Variants in SON observed in about 807,000 individuals in gnomAD.
SON encodes the protein protein SON.
A neutral mutation model predicts 173.3 loss-of-function variants in SON; 4 were observed. That is an observed-to-expected ratio of 0.02 (90% CI 0.01 to 0.05). The LOEUF is 0.05. SON is among the 10% of genes least tolerant of loss of function. SON has a pLI of 1.00. For synonymous variants in SON, 1,190 were observed against 1,105.9 expected (o/e 1.08, Z -1.51); for missense variants, 2,626 against 3,055.3 (o/e 0.86, Z 3.31).
At chr21:33,573,590 C>T (rs768291050) in intron 9 of SON, 135 bp downstream of exon 9, 1 of 710,016 alleles carries the variant, frequency 1.4e-6, no homozygotes, top group African/African-American at 1.8e-5. Flanking sequence ...AAAACATTAA[C>T]CCCTTTTGGG....
Position 33,549,972 on chromosome 21 carries a change from A to C in SON, c.741A>C (p.Ala247=), listed in dbSNP as rs1338432416. The C allele has an allele frequency of 2.5e-6, 4 of 1,614,160 alleles. No individual in the cohort carries two copies. In the South Asian group the frequency reaches 4.4e-5, roughly 18 times the overall value. Residue 247 remains alanine, a synonymous_variant, in exon 3 of 12, where the codon GCA becomes GCC. Transcript: ENST00000356577. The part of the protein sequence containing the change: ...SMTKILDSFA[A]APVPTTTLVL... ...CAAAGATTCTGGATTCCTTTGCAGC[A>C]GCACCAGTGCCTACTACAACACTGG...
rs185821315 is a variant in SON at position 33,552,600 on chromosome 21, A to G, written c.3369A>G (p.Ser1123=). 1.2e-6 allele frequency: 2 copies of G among 1,614,094 alleles called. No homozygotes were observed. Among genetic ancestry groups the G allele is most frequent in the East Asian group, 4.5e-5 (2 of 44,886 alleles). The change falls in exon 3 of 12, where the codon TCA becomes TCG. Residue 1123 remains serine (S), a synonymous_variant. Coordinates refer to ENST00000356577, the MANE Select transcript of SON (RefSeq NM_138927.4). This position sits in a 1 kb window ranked among gnomAD's most constrained non-coding sequence, Gnocchi z 5.6. ...SMMSSYTADR[S]MMSMAADSYT... ...TGTCATCTTATACTGCTGATCGTTCAATGATGTCTATGGCTGCTGATTCTT... is the reference window on the plus strand; with the variant it reads ...TGTCATCTTATACTGCTGATCGTTCGATGATGTCTATGGCTGCTGATTCTT...
At chr21:33,560,206 G>A (rs752093540) in intron 6 of SON, 19 of 1,540,348 alleles carry the variant, frequency 1.2e-5, no homozygotes, top group Non-Finnish European at 1.7e-5. Flanking sequence ...ATTGGAAAAG[G>A]TCATTGTAGG....
chr21:33,543,512 C>A, intron 1 of SON: 1 of 280,480 alleles, frequency 3.6e-6, no homozygotes, highest in Non-Finnish European at 6.8e-6. Flanking sequence ...TCCTCAGCTC[C>A]TCCTCCGCCG....
At chr21:33,572,541 C>T in intron 8 of SON, 2 of 1,303,360 alleles carry the variant, frequency 1.5e-6, no homozygotes, top group Non-Finnish European at 2.0e-6. Context: ...TGTATGGAAA[C>T]TTGTTTCAGG....
Position 33,576,346 on chromosome 21 carries a change from G to A in SON, c.7222-19G>A, listed in dbSNP as rs1421892997. ...ATTAAAGTTTGATGCTGTTCTTATT[G>A]TATGTTTTTCTTGAATAGGTATTGA... On this transcript the variant is annotated intron_variant, in intron 11 of 11. Transcript: ENST00000356577. The A allele has an allele frequency of 3.6e-6, 4 of 1,117,010 alleles. No individual in the cohort carries two copies. The Admixed American group carries it at 6.7e-5, about 19-fold the overall frequency. 69.2% of individuals were successfully genotyped at this position (1,117,010 alleles called of 1,614,324 possible). A position where few individuals can be genotyped will look rare whatever the true frequency, so the allele number is the denominator to read the frequency against.
rs2086023311 is a variant in SON, at chr21:33,559,158, T to C, written c.6322-72T>C. 1 of 1,257,366 alleles carries C rather than the reference T, an allele frequency of 8.0e-7. No individual in the cohort carries two copies. The highest frequency in any genetic ancestry group is 1.5e-5 in the African/African-American group (1 of 64,706). The allele number at this position is 1,257,366 out of a possible 1,614,324, so 77.9% of individuals were successfully genotyped here. A position where few individuals can be genotyped will look rare whatever the true frequency, so the allele number is the denominator to read the frequency against. On this transcript the variant is annotated intron_variant, in intron 4 of 11. Transcript: ENST00000356577. This position sits in a 1 kb window ranked among gnomAD's most constrained non-coding sequence, Gnocchi z 4.1. ...ACTTTGGAAAGTTGCTATTATGTGG[T>C]TTTGATTCTAAGAAATTACATGTTC...
chr21:33,555,441 C>CT (rs749252741), intron 3 of SON, 50 bp downstream of exon 3: 6 of 1,436,544 alleles, frequency 4.2e-6, no homozygotes, highest in Non-Finnish European at 5.5e-6. Flanking sequence ...TGTTTTAAAC[C>CT]TTAATTTTTT....
Position 33,551,211 on chromosome 21 carries a change from A to C in SON, c.1980A>C (p.Thr660=). The change falls in exon 3 of 12, where the codon ACA becomes ACC. Residue 660 remains threonine (T), a synonymous_variant. Transcript: ENST00000356577. Reference sequence around the variant, plus strand: ...AGATCTCTGTTCAGTCTGTGGTGACAACATCGGAGCTGTCAACGATGACCG... The same window carrying C: ...AGATCTCTGTTCAGTCTGTGGTGACCACATCGGAGCTGTCAACGATGACCG... The part of the protein sequence containing the change: ...ALEISVQSVV[T]TSELSTMTVS... 6.2e-7 allele frequency: 1 copy of C among 1,614,072 alleles called. No individual in the cohort carries two copies. The highest frequency in any genetic ancestry group is 8.5e-7 in the Non-Finnish European group (1 of 1,179,960).
chr21:33,576,686 G>C lies in SON; in HGVS notation c.*262G>C. 3.6e-6 allele frequency: 2 copies of C among 555,392 alleles called. No individual in the cohort carries two copies. Among genetic ancestry groups the C allele is most frequent in the East Asian group, 3.3e-5 (1 of 30,180 alleles). The allele number at this position is 555,392 out of a possible 1,614,324, so 34.4% of individuals were successfully genotyped here. On this transcript the variant is annotated 3_prime_UTR_variant, in exon 12 of 12. Coordinates refer to ENST00000356577, the MANE Select transcript of SON (RefSeq NM_138927.4). ...TAAGACATTGTGTAAAAAGCAATCT[G>C]TAAAAACATCTCCAGGCTTTGATTT...
chr21:33,576,000 G>GT (rs1365424224), intron 11 of SON, 107 bp downstream of exon 11: 3 of 596,522 alleles, frequency 5.0e-6, no homozygotes, highest in Non-Finnish European at 8.6e-6. Context: ...TGGGTGGGGG[G>GT]TTTGTATTTG....
At chr21:33,543,634 G>A (rs2085527753) in intron 1 of SON, 1 of 204,130 alleles carries the variant, frequency 4.9e-6, no homozygotes, top group South Asian at 6.7e-5. Context: ...CTTTATTATT[G>A]CGAGCTTCAG....
chr21:33,543,156 C>A lies in SON; in HGVS notation c.64C>A (p.Gln22Lys). Residue 22 changes from glutamine (Q) to lysine (K), a missense_variant, in exon 1 of 12, where the codon CAG becomes AAG. By Grantham distance (53) the Gln-to-Lys change is moderately conservative. Around this residue, in one of 13 missense-constraint regions of SON, gnomAD observed 757 missense variants for 730.1 expected, o/e 1.04. Coordinates refer to ENST00000356577, the MANE Select transcript of SON (RefSeq NM_138927.4). ...GGTCAGTAAATTCCGGGAAATTCAA[C>A]AGGAGCTTTCCAGGTAAACGCCTCC... ...FVVSKFREIQ[Q>K]ELSSGRNEGQ... 1 of 1,614,050 alleles carries A rather than the reference C, an allele frequency of 6.2e-7. No individual in the cohort carries two copies. The highest frequency in any genetic ancestry group is 8.5e-7 in the Non-Finnish European group (1 of 1,179,860).
Position 33,554,084 on chromosome 21 carries a change from C to A in SON, c.4853C>A (p.Ser1618Tyr). The A allele has an allele frequency of 6.2e-7, 1 of 1,614,022 alleles. No individual in the cohort carries two copies. The highest frequency in any genetic ancestry group is 1.1e-5 in the South Asian group (1 of 91,080). The change falls in exon 3 of 12, where the codon TCT becomes TAT. Residue 1618 changes from serine to tyrosine, a missense_variant. Ser to Tyr is a moderately radical substitution (Grantham distance 144). Around this residue, in one of 13 missense-constraint regions of SON, gnomAD observed 1,006 missense variants for 895.6 expected, o/e 1.12. Coordinates refer to ENST00000356577, the MANE Select transcript of SON (RefSeq NM_138927.4). ...TSKGIEFTTA[S>Y]TLSLVNKYDV... The stretch of plus-strand genomic sequence containing the variant: ...AAGGGTATTGAATTTACCACAGCAT[C>A]TACTCTCAGTTTAGTTAATAAATAT...
chr21:33,557,548 T>G, intron 4 of SON: 1 of 1,550,556 alleles, frequency 6.4e-7, no homozygotes, highest in Non-Finnish European at 8.7e-7. Flanking sequence ...CTTTCCAGTT[T>G]TAGAAGCCAA....
At chr21:33,567,954 C>T (rs1387123050) in intron 7 of SON, among the ~76,000 whole-genome samples, 1 of 152,038 alleles carries the variant, frequency 6.6e-6, no homozygotes. Flanking sequence ...AGTCACACAA[C>T]TAATTAGTGG....
rs2086189058 is a variant in SON at position 33,567,059 on chromosome 21, AT to A, written c.6658-94del. ...AGATTATTAGTATTATAAGACTATT[AT>A]TTTGTTTTTGATATGTAGCAACTAA... On this transcript the variant is annotated intron_variant, in intron 6 of 11. Coordinates refer to ENST00000356577, the MANE Select transcript of SON (RefSeq NM_138927.4). 5 of 613,958 alleles carry A rather than the reference AT, an allele frequency of 8.1e-6. No individual in the cohort carries two copies. The East Asian group carries it at 1.3e-4, about 16-fold the overall frequency. The allele number at this position is 613,958 out of a possible 1,614,324, so 38.0% of individuals were successfully genotyped here. A position where few individuals can be genotyped will look rare whatever the true frequency, so the allele number is the denominator to read the frequency against.
Position 33,549,475 on chromosome 21 carries a change from G to T in SON, c.245-1G>T. The T allele has an allele frequency of 1.3e-6, 2 of 1,524,236 alleles. No individual in the cohort carries two copies. The highest frequency in any genetic ancestry group is 2.7e-5 in the South Asian group (2 of 73,344). 94.4% of individuals were successfully genotyped at this position (1,524,236 alleles called of 1,614,324 possible). A position where few individuals can be genotyped will look rare whatever the true frequency, so the allele number is the denominator to read the frequency against. ...ACAAAATTAATTTCTATTACTTTTA[G>T]ACTTGAAAGAGGGCTCCAGAAAAAG... On this transcript the variant is annotated splice_acceptor_variant, in intron 2 of 11. Coordinates refer to ENST00000356577, the MANE Select transcript of SON (RefSeq NM_138927.4). LOFTEE classifies it high-confidence loss of function.
chr21:33,572,518 A>C, intron 8 of SON: 1 of 1,251,518 alleles, frequency 8.0e-7, no homozygotes, highest in Non-Finnish European at 1.1e-6. Context: ...TAACCTGTGA[A>C]CTTTCACCCC....
Sources: allele counts gnomAD v4.1 joint callset (sites outside exome capture counted in the v4.1 genomes callset), GRCh38; gene constraint gnomAD v4.1.1; regional missense constraint gnomAD v4.1.1; non-coding constraint Gnocchi (gnomAD v3.1); transcripts MANE v1.5; gene names NCBI Gene and HGNC (gene_info 2026-07-23, HGNC 2026-07-21).